RCL1: variants seen among roughly 807,000 people sequenced by gnomAD.
RCL1 encodes RNA 3'-terminal phosphate cyclase-like protein.
RCL1 carries 24 observed loss-of-function variants against 42.4 expected under a neutral mutation model. The ratio of observed to expected loss-of-function variants is 0.57; its 90% CI spans 0.41 to 0.80. The LOEUF (loss-of-function observed/expected upper bound fraction) is 0.80. RCL1 is among the 30% of genes least tolerant of loss of function. The probability of loss-of-function intolerance (pLI) is 0.00; values close to 1 mark genes in which losing one functional copy is unlikely to be tolerated. For missense variants in RCL1, 578 were observed against 467.9 expected (o/e 1.24, Z -2.17); for synonymous variants, 228 against 177.3 (o/e 1.29, Z -2.27).
At position 4,852,519 on chromosome 9, in the gene RCL1, A is replaced by T. The variant is rs1261733215; in HGVS notation, c.971+2969A>T. On this transcript the variant is annotated intron_variant, in intron 8 of 8. Coordinates refer to ENST00000381750, the MANE Select transcript of RCL1 (RefSeq NM_005772.5). Reference sequence around the variant, plus strand: ...AAGTCTTGGAGTCCAGCCTATCTGGACTTAAGGCTCTACCACGCGCTACCA... The same window carrying T: ...AAGTCTTGGAGTCCAGCCTATCTGGTCTTAAGGCTCTACCACGCGCTACCA... Among the ~76,000 whole-genome samples, 3 of 152,306 alleles carry T rather than the reference A, an allele frequency of 2.0e-5. No homozygotes were observed. The East Asian group carries it at 5.8e-4, about 29-fold the overall frequency.
chr9:4,806,267 C>T (rs372824033), intron 1 of RCL1, among the ~76,000 whole-genome samples: 1 of 151,840 alleles, frequency 6.6e-6, no homozygotes, highest in Non-Finnish European at 1.5e-5. Context: ...ATTTCTAGCA[C>T]CATGTTAAGT....
intron 3 of RCL1, among the ~76,000 whole-genome samples, chr9:4,832,041 G>A (rs1816959612): frequency 6.6e-6 from 1 of 152,184 alleles, no homozygotes; most frequent in Non-Finnish European, 1.5e-5. Context: ...AAGGGAACAA[G>A]TAATGGAGTA....
At chr9:4,852,729 C>T (rs1343929680) in intron 8 of RCL1, among the ~76,000 whole-genome samples, 1 of 149,864 alleles carries the variant, frequency 6.7e-6, no homozygotes, top group Non-Finnish European at 1.5e-5. Context: ...TGCCTGGACA[C>T]CCCTTCACCC....
In RCL1 at chr9:4,857,931, C is replaced by CTTTTTTTTTT. The variant is rs34470773; in HGVS notation, c.972-2184_972-2175dup. On this transcript the variant is annotated intron_variant, in intron 8 of 8. Transcript: ENST00000381750. The stretch of plus-strand genomic sequence containing the variant: ...AGGAAATATCCGTTTAGCTCTCCCA[C>CTTTTTTTTTT]TTTTTTTTTTTTTTTTTTTCAGTGA... 3.9e-3 allele frequency among the ~76,000 whole-genome samples: 400 copies of CTTTTTTTTTT among 102,980 alleles called. 31 individuals carry two copies. The highest frequency in any genetic ancestry group is 4.3e-3 in the Non-Finnish European group (234 of 54,958). The allele number at this position is 102,980 out of a possible 152,430, so 67.6% of individuals were successfully genotyped here. A position where few individuals can be genotyped will look rare whatever the true frequency, so the allele number is the denominator to read the frequency against.
At chr9:4,855,603 AG>A (rs1817930830) in intron 8 of RCL1, among the ~76,000 whole-genome samples, 1 of 151,986 alleles carries the variant, frequency 6.6e-6, no homozygotes, top group African/African-American at 2.4e-5. Flanking sequence ...CGTTTTCTTA[AG>A]GAGGCTGTTT....
At chr9:4,811,291 A>C (rs573425593) in intron 1 of RCL1, among the ~76,000 whole-genome samples, 2 of 151,964 alleles carry the variant, frequency 1.3e-5, no homozygotes, top group African/African-American at 2.4e-5. Context: ...AAAAAAAAAA[A>C]AAGGAAAAAA....
At chr9:4,829,965 GC>G (rs1816895775) in intron 3 of RCL1, among the ~76,000 whole-genome samples, 1 of 152,198 alleles carries the variant, frequency 6.6e-6, no homozygotes, top group South Asian at 2.1e-4. Flanking sequence ...TAGGGTTTCT[GC>G]CCCATGGTCC....
chr9:4,850,972 G>T (rs374061399), intron 8 of RCL1, among the ~76,000 whole-genome samples: 1 of 152,120 alleles, frequency 6.6e-6, no homozygotes. Context: ...GGGGCATGGG[G>T]TTTGGCAGAA....
chr9:4,820,357 A>G (rs148292984), intron 1 of RCL1, among the ~76,000 whole-genome samples: 2 of 152,308 alleles, frequency 1.3e-5, no homozygotes, highest in African/African-American at 2.4e-5. Flanking sequence ...ATGGAGTCAT[A>G]TCTTCACTGT....
intron 1 of RCL1, among the ~76,000 whole-genome samples, chr9:4,808,064 C>T (rs565036023): frequency 6.6e-6 from 1 of 151,652 alleles, no homozygotes; most frequent in African/African-American, 2.4e-5. Flanking sequence ...TTGATTAGAT[C>T]CTATCGGTTC....
At chr9:4,797,016 T>C (rs1355464893) in intron 1 of RCL1, among the ~76,000 whole-genome samples, 2 of 152,244 alleles carry the variant, frequency 1.3e-5, no homozygotes, top group Non-Finnish European at 2.9e-5. Context: ...GTAAAATCCT[T>C]AATTTGTCAT....
intron 6 of RCL1, among the ~76,000 whole-genome samples, chr9:4,843,925 T>C (rs1352381858): frequency 6.6e-6 from 1 of 152,172 alleles, no homozygotes; most frequent in African/African-American, 2.4e-5. Context: ...TAACTCAGAG[T>C]GCCTCCCAGA....
chr9:4,832,148 C>T (rs1293515768), intron 3 of RCL1, among the ~76,000 whole-genome samples: 1 of 152,178 alleles, frequency 6.6e-6, no homozygotes, highest in Non-Finnish European at 1.5e-5. Context: ...ATCAGGAATC[C>T]ACAAATGGAT....
chr9:4,842,115 G>C (rs1817352177), intron 6 of RCL1, among the ~76,000 whole-genome samples: 1 of 152,126 alleles, frequency 6.6e-6, no homozygotes, highest in African/African-American at 2.4e-5. Flanking sequence ...CTTGTTTGTG[G>C]GTTTTGTTTG....
At chr9:4,840,472 C>T (rs1337824161) in intron 5 of RCL1, among the ~76,000 whole-genome samples, 1 of 152,124 alleles carries the variant, frequency 6.6e-6, no homozygotes, top group African/African-American at 2.4e-5. Context: ...TAGTTTTAGG[C>T]AATAATTTCC....
chr9:4,810,301 G>A (rs984043923), intron 1 of RCL1, among the ~76,000 whole-genome samples: 2 of 152,134 alleles, frequency 1.3e-5, no homozygotes, highest in African/African-American at 4.8e-5. Flanking sequence ...AAAAGAAACA[G>A]TATGCCAGCA....
chr9:4,858,921 A>G (rs1195625776), intron 8 of RCL1, among the ~76,000 whole-genome samples: 1 of 152,192 alleles, frequency 6.6e-6, no homozygotes, highest in African/African-American at 2.4e-5. Context: ...TTAACAACAT[A>G]GATTTCTGGC....
At chr9:4,809,915 C>G (rs1434706878) in intron 1 of RCL1, among the ~76,000 whole-genome samples, 1 of 152,118 alleles carries the variant, frequency 6.6e-6, no homozygotes, top group African/African-American at 2.4e-5. Context: ...CTCCTGGGTT[C>G]AAGCGATTCT....
intron 4 of RCL1, 105 bp downstream of exon 4, chr9:4,833,333 T>G: frequency 1.2e-6 from 1 of 820,192 alleles, no homozygotes; most frequent in Non-Finnish European, 2.1e-6. Context: ...ACATTTGAAG[T>G]CACCAGTTAT....
Sources: allele counts gnomAD v4.1 joint callset (sites outside exome capture counted in the v4.1 genomes callset), GRCh38; gene constraint gnomAD v4.1.1; transcripts MANE v1.5; gene names NCBI Gene and HGNC (gene_info 2026-07-23, HGNC 2026-07-21).